The following GABRB1 variants were observed in gnomAD, a reference collection of about 807,000 sequenced individuals.
GABRB1 encodes gamma-aminobutyric acid type A receptor subunit beta1, also known as gamma-aminobutyric acid receptor subunit beta-1.
In GABRB1, 17 loss-of-function variants were observed where a neutral mutation model predicts 51.6. The observed-to-expected ratio is 0.33, with a 90% CI of 0.23 to 0.49. The LOEUF (loss-of-function observed/expected upper bound fraction) is 0.49. Among genes scored for constraint, GABRB1 ranks in the 20% least tolerant of loss-of-function variants. The pLI is 0.99. For synonymous variants in GABRB1, 247 were observed against 218.9 expected, an observed-to-expected ratio of 1.13 and a Z score of -1.14; for missense variants, 410 against 600.6, an observed-to-expected ratio of 0.68 and a Z score of 3.32.
At chr4:47,106,746 G>A (rs1320002978) in intron 3 of GABRB1, among the ~76,000 whole-genome samples, 3 of 151,916 alleles carry the variant, frequency 2.0e-5, no homozygotes, top group African/African-American at 4.8e-5. Flanking sequence ...ATCTCTTTCC[G>A]AGGTTGCTTA....
At chr4:47,303,256 C>G (rs1023021172) in intron 4 of GABRB1, among the ~76,000 whole-genome samples, 2 of 151,626 alleles carry the variant, frequency 1.3e-5, no homozygotes, top group African/African-American at 2.4e-5. Flanking sequence ...TGATGTATTT[C>G]TACACAAATG....
At chr4:47,028,641 A>T (rs933123785), upstream of GABRB1, among the ~76,000 whole-genome samples, 3 of 151,490 alleles carry the variant, frequency 2.0e-5, no homozygotes, top group African/African-American at 7.3e-5. Context: ...AATTGGAATG[A>T]AATTTTTTTG....
rs1388505029 is a variant in GABRB1 at position 47,376,652 on chromosome 4, C to CA, written c.545-26660dup. Among the ~76,000 whole-genome samples the CA allele has an allele frequency of 4.6e-5, 7 of 151,832 alleles. No individual in the cohort carries two copies. In the East Asian group the frequency reaches 5.8e-4, roughly 13 times the overall value. ...ACTGAGCGAGACTCCGTCTTAAAAACAAAAAACAAAAAAGAAGCCATAGAT... is the reference window on the plus strand; with the variant it reads ...ACTGAGCGAGACTCCGTCTTAAAAACAAAAAAACAAAAAAGAAGCCATAGAT... On this transcript the variant is annotated intron_variant, in intron 5 of 8. Coordinates refer to ENST00000295454, the MANE Select transcript of GABRB1 (RefSeq NM_000812.4).
chr4:47,080,265 C>T (rs1384766233), intron 3 of GABRB1, among the ~76,000 whole-genome samples: 1 of 150,864 alleles, frequency 6.6e-6, no homozygotes, highest in Non-Finnish European at 1.5e-5. Flanking sequence ...GAATAAAACT[C>T]CATCCTTTCT....
intron 4 of GABRB1, among the ~76,000 whole-genome samples, chr4:47,179,688 A>G (rs1369512174): frequency 1.3e-5 from 2 of 152,228 alleles, no homozygotes; most frequent in African/African-American, 2.4e-5. Flanking sequence ...TTAGATAGGC[A>G]TGGTGGTAAA....
chr4:47,281,237 TG>T (rs1308746084), intron 4 of GABRB1, among the ~76,000 whole-genome samples: 1 of 152,038 alleles, frequency 6.6e-6, no homozygotes, highest in African/African-American at 2.4e-5. Context: ...GAACAAAAGA[TG>T]GGAACAGACA....
chr4:47,381,641 G>T (rs1350289923), intron 5 of GABRB1, among the ~76,000 whole-genome samples: 1 of 152,174 alleles, frequency 6.6e-6, no homozygotes, highest in African/African-American at 2.4e-5. Context: ...TCAGAACTTG[G>T]AAGAGGCTGT....
At chr4:47,149,922 C>G (rs1717350395) in intron 3 of GABRB1, among the ~76,000 whole-genome samples, 1 of 151,922 alleles carries the variant, frequency 6.6e-6, no homozygotes, top group South Asian at 2.1e-4. Context: ...AGAACAGATG[C>G]TCAATGAGTT....
chr4:47,119,396 T>C (rs936601082), intron 3 of GABRB1, among the ~76,000 whole-genome samples: 7 of 152,004 alleles, frequency 4.6e-5, no homozygotes, highest in African/African-American at 1.7e-4. Context: ...TAAAGACATA[T>C]AATAAAAGTT....
In GABRB1 at chr4:47,319,987, CATA is replaced by C. The variant is rs1424507105; in HGVS notation, c.462-136_462-134del. The C allele has an allele frequency of 7.3e-6, 5 of 681,218 alleles. No homozygotes were observed. In the Admixed American group the frequency reaches 1.1e-4, roughly 15 times the overall value. 42.2% of individuals were successfully genotyped at this position (681,218 alleles called of 1,614,324 possible). On this transcript the variant is annotated intron_variant, in intron 4 of 8. Coordinates refer to ENST00000295454, the MANE Select transcript of GABRB1 (RefSeq NM_000812.4). ...TCCAATTTGTTGACGTATAATTATTCATAATAGTTTCTTAAAATCTCACAAAAT... is the reference window on the plus strand; with the variant it reads ...TCCAATTTGTTGACGTATAATTATTCATAGTTTCTTAAAATCTCACAAAAT...
intron 8 of GABRB1, among the ~76,000 whole-genome samples, chr4:47,412,979 G>C (rs1280452232): frequency 1.3e-5 from 2 of 152,198 alleles, no homozygotes; most frequent in Non-Finnish European, 2.9e-5. Flanking sequence ...CATGTTGCCT[G>C]CTTCTCTGTA....
chr4:47,034,203 T>C (rs974438895), intron 3 of GABRB1, among the ~76,000 whole-genome samples: 4 of 152,176 alleles, frequency 2.6e-5, no homozygotes, highest in African/African-American at 7.2e-5. Context: ...TAGAGTGTCA[T>C]GCTTTTCAGA....
chr4:47,167,795 A>G (rs115070063), intron 4 of GABRB1, among the ~76,000 whole-genome samples: 2,042 of 152,040 alleles, frequency 0.013, 23 homozygotes, highest in Middle Eastern at 0.027. Context: ...TGCTCTCTCA[A>G]TTTCCCCTTC....
chr4:47,408,400 T>C (rs1311963530), intron 8 of GABRB1, among the ~76,000 whole-genome samples: 2 of 152,242 alleles, frequency 1.3e-5, no homozygotes, highest in Non-Finnish European at 2.9e-5. Flanking sequence ...GGCCAAATTA[T>C]AAATTTTCAG....
At chr4:47,037,569 T>TTA (rs397761296) in intron 3 of GABRB1, among the ~76,000 whole-genome samples, 1 of 150,986 alleles carries the variant, frequency 6.6e-6, no homozygotes, top group Admixed American at 6.6e-5. Flanking sequence ...TTTTTTTTTT[T>TTA]ACTCTAAGCC....
At chr4:47,052,179 G>A (rs1726381146) in intron 3 of GABRB1, among the ~76,000 whole-genome samples, 1 of 152,108 alleles carries the variant, frequency 6.6e-6, no homozygotes, top group Non-Finnish European at 1.5e-5. Flanking sequence ...CATACAGGAA[G>A]CAGAAGACCT....
intron 4 of GABRB1, among the ~76,000 whole-genome samples, chr4:47,303,367 GCTCTCTCTCT>G (rs71602426): frequency 7.9e-5 from 11 of 138,370 alleles, no homozygotes; most frequent in African/African-American, 3.0e-4. Flanking sequence ...TTGAAGGTGT[GCTCTCTCTCT>G]CTCTCTCTCT....
Position 47,170,399 on chromosome 4 carries a change from A to G in GABRB1, c.461+8930A>G, listed in dbSNP as rs530232231. On this transcript the variant is annotated intron_variant, in intron 4 of 8. Coordinates refer to ENST00000295454, the MANE Select transcript of GABRB1 (RefSeq NM_000812.4). ...ATCCACTACACACACACACACACAC[A>G]CACGCACACACACACACACGCACAC... Among the ~76,000 whole-genome samples the G allele has an allele frequency of 9.9e-3, 1,496 of 150,632 alleles. 18 individuals are homozygous for G. Among genetic ancestry groups the G allele is most frequent in the African/African-American group, 0.032 (1,310 of 41,008 alleles).
intron 3 of GABRB1, among the ~76,000 whole-genome samples, chr4:47,096,194 C>A (rs536563405): frequency 2.6e-4 from 40 of 152,302 alleles, no homozygotes; most frequent in Non-Finnish European, 5.0e-4. Context: ...GAACATATAG[C>A]TTTCCAAACC....
Sources: gnomAD v4.1 joint callset for allele counts (sites outside exome capture counted in the v4.1 genomes callset) on GRCh38, gnomAD v4.1.1 for gene constraint, MANE v1.5 for transcripts, NCBI Gene and HGNC (gene_info 2026-07-23, HGNC 2026-07-21) for gene names.